Variants in GRIN3A observed in about 807,000 individuals in gnomAD.
The protein encoded by GRIN3A is glutamate receptor ionotropic, NMDA 3A.
A neutral mutation model predicts 92.4 loss-of-function variants in GRIN3A; 47 were observed. The observed-to-expected ratio is 0.51, with a 90% CI of 0.40 to 0.65. The LOEUF (loss-of-function observed/expected upper bound fraction) is 0.65. Among genes scored for constraint, GRIN3A ranks in the 30% least tolerant of loss-of-function variants. GRIN3A has a pLI of 0.00. For missense variants in GRIN3A, 1,324 were observed against 1,393.1 expected (o/e 0.95, Z 0.79); for synonymous variants, 527 against 540.6 (o/e 0.97, Z 0.35).
Position 101,569,641 on chromosome 9 carries a change from C to T in GRIN3A, c.*3533G>A, listed in dbSNP as rs543241568. On this transcript the variant is annotated 3_prime_UTR_variant, in exon 9 of 9. Transcript: ENST00000361820. Reference sequence around the variant, plus strand: ...AACTAAAAAAAAAGAGTGAGGGAATCCTGGATTAGATGGATAGTTTAGGTG... The same window carrying T: ...AACTAAAAAAAAAGAGTGAGGGAATTCTGGATTAGATGGATAGTTTAGGTG... The T allele has an allele frequency of 6.6e-6, 1 of 152,012 alleles. No homozygotes were observed. Among genetic ancestry groups the T allele is most frequent in the Admixed American group, 6.5e-5 (1 of 15,272 alleles). 9.4% of individuals were successfully genotyped at this position (152,012 alleles called of 1,614,324 possible). A position where few individuals can be genotyped will look rare whatever the true frequency, so the allele number is the denominator to read the frequency against.
chr9:101,579,042 TAGAG>T (rs1448964132), intron 7 of GRIN3A, among the ~76,000 whole-genome samples, 150 bp downstream of exon 7: 2 of 152,192 alleles, frequency 1.3e-5, no homozygotes, highest in African/African-American at 2.4e-5. Flanking sequence ...ATTAATGGGA[TAGAG>T]AGAATTCCTT....
intron 5 of GRIN3A, among the ~76,000 whole-genome samples, chr9:101,621,293 A>T (rs986401898): frequency 1.3e-5 from 2 of 151,870 alleles, no homozygotes; most frequent in Non-Finnish European, 2.9e-5. Context: ...TCAAAAAAAA[A>T]AAAAACAATT....
chr9:101,648,925 G>T (rs1828975241), intron 3 of GRIN3A, among the ~76,000 whole-genome samples: 1 of 151,876 alleles, frequency 6.6e-6, no homozygotes, highest in Non-Finnish European at 1.5e-5. Flanking sequence ...ATTATGGGAA[G>T]AACTTATAGT....
At chr9:101,729,499 C>T (rs976561434) in intron 1 of GRIN3A, among the ~76,000 whole-genome samples, 2 of 152,152 alleles carry the variant, frequency 1.3e-5, no homozygotes, top group Non-Finnish European at 1.5e-5. Context: ...TCCTTTATCA[C>T]ATTGTCACAT....
At chr9:101,711,683 G>A (rs773774006) in intron 1 of GRIN3A, among the ~76,000 whole-genome samples, 7 of 152,140 alleles carry the variant, frequency 4.6e-5, no homozygotes, top group Non-Finnish European at 8.8e-5. Flanking sequence ...CAACTTGTTA[G>A]TGGTTCTTTT....
chr9:101,703,916 A>G (rs186943029), intron 1 of GRIN3A, among the ~76,000 whole-genome samples: 11 of 152,172 alleles, frequency 7.2e-5, no homozygotes, highest in African/African-American at 2.6e-4. Flanking sequence ...CTTCATCAAC[A>G]TCTCCATCTT....
chr9:101,675,103 C>T (rs953755647), intron 2 of GRIN3A, among the ~76,000 whole-genome samples: 15 of 151,894 alleles, frequency 9.9e-5, no homozygotes, highest in African/African-American at 3.1e-4. Context: ...TTGATAAGGG[C>T]GTGGATCTAA....
intron 3 of GRIN3A, among the ~76,000 whole-genome samples, chr9:101,647,954 T>C (rs1588265750): frequency 6.6e-6 from 1 of 151,950 alleles, no homozygotes; most frequent in Non-Finnish European, 1.5e-5. Flanking sequence ...GTTGATCTTT[T>C]GTATTTTATT....
chr9:101,613,587 C>T, intron 5 of GRIN3A, 60 bp from the exon 6 acceptor site: 6 of 1,541,658 alleles, frequency 3.9e-6, no homozygotes, highest in South Asian at 1.1e-5. Flanking sequence ...ATTGCCACCA[C>T]AGTACATATT....
Position 101,651,664 on chromosome 9 carries a change from G to GTGTC in GRIN3A, c.2352+18395_2352+18396insGACA, listed in dbSNP as rs1235269298. Among the ~76,000 whole-genome samples the GTGTC allele has an allele frequency of 3.3e-5, 5 of 151,502 alleles. No homozygotes were observed. In the East Asian group the frequency reaches 9.7e-4, roughly 29 times the overall value. The stretch of plus-strand genomic sequence containing the variant: ...TGTGTGTGTGTGTGTGTGTGTGTGT[G>GTGTC]TGTGGTCATTCTTTCAGATTTTAAA... On this transcript the variant is annotated intron_variant, in intron 3 of 8. Coordinates refer to ENST00000361820, the MANE Select transcript of GRIN3A (RefSeq NM_133445.3).
At chr9:101,705,387 C>A (rs1829803027) in intron 1 of GRIN3A, among the ~76,000 whole-genome samples, 1 of 152,112 alleles carries the variant, frequency 6.6e-6, no homozygotes, top group Non-Finnish European at 1.5e-5. Flanking sequence ...GCAAAGATTA[C>A]CTCTCCCGCC....
intron 1 of GRIN3A, among the ~76,000 whole-genome samples, chr9:101,717,464 C>A (rs1015203301): frequency 1.3e-5 from 2 of 152,094 alleles, no homozygotes; most frequent in Non-Finnish European, 2.9e-5. Flanking sequence ...AGATGGCTAC[C>A]ACACCCGGCG....
rs1476312126 is a variant in GRIN3A, at chr9:101,670,151, A to G, written c.2261T>C (p.Met754Thr). 2 of 1,613,796 alleles carry G rather than the reference A, an allele frequency of 1.2e-6. No individual in the cohort carries two copies. The highest frequency in any genetic ancestry group is 4.5e-5 in the East Asian group (2 of 44,856). ...FLMNLWAIFCMFCLSTYTANL... is the reference protein window; with the variant it reads ...FLMNLWAIFCTFCLSTYTANL... ...TGCCGTGTATGTGGAAAGGCAAAAC[A>G]TACAGAAAATGGCCCAAAGGTTCAT... is the stretch of plus-strand genomic sequence containing the variant. Residue 754 changes from methionine to threonine, a missense_variant, in exon 3 of 9, where the codon ATG becomes ACG. By Grantham distance (81) the Met-to-Thr change is moderately conservative (BLOSUM62 -1). Transcript: ENST00000361820.
intron 3 of GRIN3A, among the ~76,000 whole-genome samples, chr9:101,654,347 A>G (rs1829055566): frequency 6.6e-6 from 1 of 150,484 alleles, no homozygotes; most frequent in Non-Finnish European, 1.5e-5. Context: ...TACATGCTTT[A>G]TATTTTCCAT....
chr9:101,722,225 G>T (rs1830021980), intron 1 of GRIN3A, among the ~76,000 whole-genome samples: 1 of 152,234 alleles, frequency 6.6e-6, no homozygotes. Flanking sequence ...GCTTCCATGT[G>T]GTGTTGGAGC....
intron 3 of GRIN3A, among the ~76,000 whole-genome samples, chr9:101,666,649 T>C (rs982308238): frequency 2.0e-5 from 3 of 152,028 alleles, no homozygotes; most frequent in African/African-American, 7.2e-5. Flanking sequence ...AATTAAAAGT[T>C]TAAAATATGC....
intron 2 of GRIN3A, among the ~76,000 whole-genome samples, chr9:101,684,270 A>ATTTTT (rs3082771): frequency 2.2e-4 from 19 of 87,066 alleles, no homozygotes; most frequent in Middle Eastern, 6.8e-3. Context: ...TGCTTAGCTA[A>ATTTTT]TTTTTTTTTT....
At chr9:101,719,586 C>A (rs1000526815) in intron 1 of GRIN3A, among the ~76,000 whole-genome samples, 29 of 152,166 alleles carry the variant, frequency 1.9e-4, no homozygotes, top group Non-Finnish European at 3.4e-4. Flanking sequence ...GAGTTACTTC[C>A]CCCTCTCATT....
chr9:101,671,145 A>G, intron 2 of GRIN3A, 38 bp from the exon 3 acceptor site: 1 of 1,389,074 alleles, frequency 7.2e-7, no homozygotes, highest in Non-Finnish European at 1.0e-6. Context: ...TAAGAAAAGC[A>G]GTGAGGCCTA....
Sources: allele counts gnomAD v4.1 joint callset (sites outside exome capture counted in the v4.1 genomes callset), GRCh38; gene constraint gnomAD v4.1.1; transcripts MANE v1.5; gene names NCBI Gene and HGNC (gene_info 2026-07-23, HGNC 2026-07-21).